The following CBR4 variants were observed in gnomAD, a reference collection of about 807,000 sequenced individuals.
The protein encoded by CBR4 is carbonyl reductase 4.
Under a neutral mutation model 21.0 loss-of-function variants are expected in CBR4, and 22 were observed. The ratio of observed to expected loss-of-function variants is 1.05; its 90% CI spans 0.75 to 1.50. CBR4 has a LOEUF of 1.50. Among genes scored for constraint, CBR4 ranks in the 40% most tolerant of loss-of-function variants. The probability of loss-of-function intolerance (pLI) is 0.00; values close to 1 mark genes in which losing one functional copy is unlikely to be tolerated. For synonymous variants in CBR4, 100 were observed against 104.4 expected, an observed-to-expected ratio of 0.96 and a Z score of 0.26; for missense variants, 302 against 286.3, an observed-to-expected ratio of 1.05 and a Z score of -0.40.
chr4:169,000,490 A>G (rs1044057652), intron 4 of CBR4, among the ~76,000 whole-genome samples: 7 of 152,226 alleles, frequency 4.6e-5, no homozygotes, highest in Admixed American at 2.0e-4. Context: ...CTTCAGTGCC[A>G]AAGAAAACAC....
intron 2 of CBR4, among the ~76,000 whole-genome samples, chr4:168,943,276 T>C (rs1323983875): frequency 2.0e-5 from 3 of 152,170 alleles, no homozygotes; most frequent in Admixed American, 6.5e-5. Flanking sequence ...CTGAGACCTC[T>C]GCAACCCCAG....
At chr4:169,007,257 T>C (rs755055350) in intron 2 of CBR4, among the ~76,000 whole-genome samples, 2 of 152,196 alleles carry the variant, frequency 1.3e-5, no homozygotes, top group African/African-American at 2.4e-5. Flanking sequence ...CCTAAATTCA[T>C]CTTTTAAAAA....
chr4:168,994,955 G>T (rs1765118036), intron 4 of CBR4, among the ~76,000 whole-genome samples: 1 of 151,952 alleles, frequency 6.6e-6, no homozygotes, highest in African/African-American at 2.4e-5. Context: ...GGTTTCACCA[G>T]GTTGGTTGGG....
At chr4:168,906,396 C>CA (rs1407869444) in intron 2 of CBR4, among the ~76,000 whole-genome samples, 1 of 152,144 alleles carries the variant, frequency 6.6e-6, no homozygotes, top group Non-Finnish European at 1.5e-5. Context: ...AGGACTGACT[C>CA]AGTGCTCATG....
At chr4:168,995,800 TC>T in intron 4 of CBR4, among the ~76,000 whole-genome samples, 1 of 152,136 alleles carries the variant, frequency 6.6e-6, no homozygotes, top group African/African-American at 2.4e-5. Context: ...AGACATGTGA[TC>T]CCCCAAAAAC....
Position 169,006,784 on chromosome 4 carries a change from T to C in CBR4, c.371A>G (p.Gln124Arg). ...TCKAAMRTMI[Q>R]QQGGSIVNVG... ...ATTAACAATAGACCCTCCCTGTTGT[T>C]GAATCATAGTCCTCATGGCAGCTTT... Residue 124 changes from glutamine to arginine, a missense_variant, in exon 3 of 5, where the codon CAA (glutamine) becomes CGA (arginine). Coordinates refer to ENST00000306193, the MANE Select transcript of CBR4 (RefSeq NM_032783.5). The C allele has an allele frequency of 6.2e-7, 1 of 1,614,024 alleles. No homozygotes were observed. Among genetic ancestry groups the C allele is most frequent in the East Asian group, 2.2e-5 (1 of 44,868 alleles).
At chr4:168,934,026 A>C (rs1330211417) in intron 2 of CBR4, among the ~76,000 whole-genome samples, 1 of 152,200 alleles carries the variant, frequency 6.6e-6, no homozygotes, top group African/African-American at 2.4e-5. Context: ...GATTAAGAGA[A>C]GTTTACAGCA....
chr4:168,996,196 G>A (rs1199456832), intron 4 of CBR4, among the ~76,000 whole-genome samples: 3 of 152,164 alleles, frequency 2.0e-5, no homozygotes, highest in African/African-American at 7.2e-5. Flanking sequence ...GGTGAGAGAG[G>A]CCAAGTTGAA....
At chr4:168,912,667 G>A (rs1048525877) in intron 2 of CBR4, among the ~76,000 whole-genome samples, 3 of 152,090 alleles carry the variant, frequency 2.0e-5, no homozygotes, top group Middle Eastern at 3.2e-3. Context: ...TGTATACAAC[G>A]TATAATGTTC....
chr4:168,999,340 T>C (rs542350584), intron 4 of CBR4, among the ~76,000 whole-genome samples: 1 of 152,160 alleles, frequency 6.6e-6, no homozygotes, highest in Non-Finnish European at 1.5e-5. Context: ...ACAAGATCTG[T>C]TGAAGAATCT....
chr4:168,902,350 T>C (rs1211384175), intron 2 of CBR4, among the ~76,000 whole-genome samples: 1 of 152,188 alleles, frequency 6.6e-6, no homozygotes, highest in African/African-American at 2.4e-5. Flanking sequence ...TTTATTTGCT[T>C]ATCTAGTAAG....
Position 168,999,316 on chromosome 4 carries a change from T to C in CBR4, c.535+2755A>G, listed in dbSNP as rs11941044. 5.2e-3 allele frequency among the ~76,000 whole-genome samples: 789 copies of C among 152,292 alleles called. 4 individuals carry two copies. Among genetic ancestry groups the C allele is most frequent in the African/African-American group, 0.018 (728 of 41,574 alleles). ...GACACATATTTGTTAACTGTGATGT[T>C]TGTTAGCTGTGTTACAAGATCTGTT... On this transcript the variant is annotated intron_variant, in intron 4 of 4. Transcript: ENST00000306193.
intron 2 of CBR4, among the ~76,000 whole-genome samples, chr4:168,974,949 GTGTGATCTCCTGGGGATGCTAT>G (rs1377947026): frequency 1.3e-5 from 2 of 152,162 alleles, no homozygotes; most frequent in African/African-American, 4.8e-5. Context: ...TGGAGAGCTA[GTGTGATCTCCTGGGGATGCTAT>G]TAAAGAATCT....
At chr4:168,959,348 GT>G (rs1763775874) in intron 2 of CBR4, among the ~76,000 whole-genome samples, 1 of 151,996 alleles carries the variant, frequency 6.6e-6, no homozygotes, top group Non-Finnish European at 1.5e-5. Context: ...GACCATACTT[GT>G]GTGGCTCCAC....
Position 168,990,144 on chromosome 4 carries a change from T to A in CBR4, c.*6A>T. On this transcript the variant is annotated 3_prime_UTR_variant, in exon 5 of 5. Transcript: ENST00000306193. ...TAATCACCCCTATAACTGAATAATC[T>A]GCAAATTACAAAATGAGTTGTAATC... The A allele has an allele frequency of 6.3e-7, 1 of 1,590,586 alleles. No individual in the cohort carries two copies. Among genetic ancestry groups the A allele is most frequent in the Non-Finnish European group, 8.6e-7 (1 of 1,168,658 alleles).
chr4:168,968,112 A>G (rs1046172286), intron 2 of CBR4, among the ~76,000 whole-genome samples: 1 of 152,208 alleles, frequency 6.6e-6, no homozygotes, highest in African/African-American at 2.4e-5. Flanking sequence ...AATTTCTTAG[A>G]GAAAATAAAA....
chr4:168,983,611 G>T (rs1400092383), downstream of CBR4, among the ~76,000 whole-genome samples: 1 of 151,794 alleles, frequency 6.6e-6, no homozygotes, highest in Non-Finnish European at 1.5e-5. Context: ...TGAAAAAAAA[G>T]AAAACTTTAG....
At chr4:168,924,441 C>T (rs763955354) in intron 2 of CBR4, 1 of 1,604,886 alleles carries the variant, frequency 6.2e-7, no homozygotes, top group Non-Finnish European at 8.5e-7. Context: ...ACAATGAGAA[C>T]CTGATCCTTA....
At chr4:168,917,290 C>T (rs1236785058) in intron 2 of CBR4, among the ~76,000 whole-genome samples, 3 of 152,004 alleles carry the variant, frequency 2.0e-5, no homozygotes, top group Admixed American at 6.6e-5. Context: ...CCTCGTGATC[C>T]GCCCTCCTCG....
Sources: allele counts gnomAD v4.1 joint callset (sites outside exome capture counted in the v4.1 genomes callset), GRCh38; gene constraint gnomAD v4.1.1; transcripts MANE v1.5; gene names NCBI Gene and HGNC (gene_info 2026-07-23, HGNC 2026-07-21).